Variants in GOSR1 observed in about 807,000 individuals in gnomAD.
The protein encoded by GOSR1 is 28 kDa Golgi SNARE protein.
A neutral mutation model predicts 35.5 loss-of-function variants in GOSR1; 21 were observed. The ratio of observed to expected loss-of-function variants is 0.59; its 90% CI spans 0.42 to 0.85. The LOEUF (loss-of-function observed/expected upper bound fraction) is 0.85. Among genes scored for constraint, GOSR1 ranks in the 40% least tolerant of loss-of-function variants. The probability of loss-of-function intolerance (pLI) is 0.00; values close to 1 mark genes in which losing one functional copy is unlikely to be tolerated. For synonymous variants in GOSR1, 94 were observed against 106.6 expected (o/e 0.88, Z 0.73); for missense variants, 285 against 309.6 (o/e 0.92, Z 0.60).
At chr17:30,489,169 A>C (rs1914868791) in intron 4 of GOSR1, among the ~76,000 whole-genome samples, 1 of 152,138 alleles carries the variant, frequency 6.6e-6, no homozygotes, top group African/African-American at 2.4e-5. Context: ...GGAACTGTTG[A>C]GGTCAGGAGT....
At chr17:30,506,935 A>G (rs1294079962) in intron 6 of GOSR1, among the ~76,000 whole-genome samples, 1 of 152,234 alleles carries the variant, frequency 6.6e-6, no homozygotes. Context: ...CCTGGAAGAC[A>G]GCACATCTGT....
At chr17:30,509,184 G>C (rs755860731) in intron 6 of GOSR1, among the ~76,000 whole-genome samples, 1 of 151,686 alleles carries the variant, frequency 6.6e-6, no homozygotes, top group Non-Finnish European at 1.5e-5. Context: ...ACTGTGTTGG[G>C]CAGGCTGGTC....
At chr17:30,502,303 G>T (rs552239739) in intron 6 of GOSR1, among the ~76,000 whole-genome samples, 1 of 152,138 alleles carries the variant, frequency 6.6e-6, no homozygotes, top group Non-Finnish European at 1.5e-5. Context: ...CCCTACCACC[G>T]TGCAATGCAA....
chr17:30,477,449 A>C lies in GOSR1; in HGVS notation c.16A>C (p.Ser6Arg). MAAGTSSYWEDLRKQA... is the reference protein window; with the variant it reads MAAGTRSYWEDLRKQA... The stretch of plus-strand genomic sequence containing the variant: ...GACGACAAAGATGGCGGCAGGGACC[A>C]GCAGTTACTGGGAAGGTGAGGGCGA... Residue 6 changes from serine to arginine, a missense_variant, in exon 1 of 9, where the codon AGC (serine) becomes CGC (arginine). Ser to Arg is a moderately radical substitution (Grantham distance 110). Around this residue, in one of 3 missense-constraint regions of GOSR1, gnomAD observed 108 missense variants for 98.9 expected, o/e 1.09. Coordinates refer to ENST00000451249, the MANE Select transcript of GOSR1 (RefSeq NM_001007025.2). 6.2e-7 allele frequency: 1 copy of C among 1,608,982 alleles called. No homozygotes were observed. The highest frequency in any genetic ancestry group is 8.5e-7 in the Non-Finnish European group (1 of 1,177,178).
At chr17:30,509,372 G>T (rs1967532795) in intron 6 of GOSR1, among the ~76,000 whole-genome samples, 1 of 152,182 alleles carries the variant, frequency 6.6e-6, no homozygotes, top group Admixed American at 6.5e-5. Context: ...GCCTCCCAAA[G>T]TGCTGGGATT....
chr17:30,486,520 A>C (rs1386826313), intron 4 of GOSR1, among the ~76,000 whole-genome samples: 2 of 136,468 alleles, frequency 1.5e-5, no homozygotes, highest in Admixed American at 1.4e-4. Context: ...TGACTGTTTC[A>C]AAAAAAAAAA....
intron 6 of GOSR1, among the ~76,000 whole-genome samples, chr17:30,505,789 C>T (rs1967379051): frequency 6.6e-6 from 1 of 152,118 alleles, no homozygotes. Flanking sequence ...AGTGCAGTGG[C>T]ATGATCCCAG....
intron 3 of GOSR1, 136 bp from the exon 4 acceptor site, chr17:30,484,527 T>C: frequency 1.7e-6 from 1 of 571,554 alleles, no homozygotes; most frequent in South Asian, 2.1e-5. Context: ...ACTTGCTCTC[T>C]TGTTTGTTTT....
Position 30,526,213 on chromosome 17 carries a change from T to C in GOSR1, c.*3835T>C, listed in dbSNP as rs1376083067. 1 of 152,246 alleles carries C rather than the reference T, an allele frequency of 6.6e-6. No individual in the cohort carries two copies. The highest frequency in any genetic ancestry group is 1.5e-5 in the Non-Finnish European group (1 of 68,028). 9.4% of individuals were successfully genotyped at this position (152,246 alleles called of 1,614,324 possible). On this transcript the variant is annotated 3_prime_UTR_variant, in exon 9 of 9. Coordinates refer to ENST00000451249, the MANE Select transcript of GOSR1 (RefSeq NM_001007025.2). ...ACAGCCAGGAGGTCAGAAGGAATTT[T>C]CTACTTCTGGATCCAAATGTTACCT... is the stretch of plus-strand genomic sequence containing the variant.
chr17:30,477,944 A>G, intron 1 of GOSR1: 1 of 985,058 alleles, frequency 1.0e-6, no homozygotes, highest in Non-Finnish European at 1.2e-6. Flanking sequence ...GGAAGTATGA[A>G]GAGAATAGGA....
At chr17:30,495,016 C>A (rs1966943193) in intron 6 of GOSR1, among the ~76,000 whole-genome samples, 1 of 150,586 alleles carries the variant, frequency 6.6e-6, no homozygotes, top group Non-Finnish European at 1.5e-5. Flanking sequence ...GGTGAAAACC[C>A]ATCTCTACTA....
chr17:30,492,559 C>T (rs1221247827), intron 5 of GOSR1, 120 bp from the exon 6 acceptor site: 5 of 621,038 alleles, frequency 8.1e-6, no homozygotes, highest in Non-Finnish European at 1.4e-5. Flanking sequence ...TATGTACTTT[C>T]ATTGTTCATT....
At chr17:30,491,376 C>T (rs952786863) in intron 5 of GOSR1, among the ~76,000 whole-genome samples, 4 of 152,002 alleles carry the variant, frequency 2.6e-5, no homozygotes, top group East Asian at 1.9e-4. Flanking sequence ...ATGAAAAGAC[C>T]GGCCAGGCGT....
chr17:30,477,907 G>A, intron 1 of GOSR1: 2 of 984,892 alleles, frequency 2.0e-6, no homozygotes, highest in Non-Finnish European at 2.4e-6. Context: ...AAAAGAGAAG[G>A]AGGAACTTGC....
At chr17:30,498,820 G>A (rs1198468949) in intron 6 of GOSR1, among the ~76,000 whole-genome samples, 1 of 152,154 alleles carries the variant, frequency 6.6e-6, no homozygotes, top group African/African-American at 2.4e-5. Context: ...GGGGTCAGCC[G>A]AGGCTGCCAT....
At chr17:30,508,249 G>A (rs1337842923) in intron 6 of GOSR1, among the ~76,000 whole-genome samples, 2 of 106,774 alleles carry the variant, frequency 1.9e-5, no homozygotes, top group African/African-American at 3.5e-5. Flanking sequence ...ACTTTATTTA[G>A]TAGTTTATTT....
Position 30,510,888 on chromosome 17 carries a change from G to A in GOSR1, c.518G>A (p.Arg173His), listed in dbSNP as rs773087161. Residue 173 changes from arginine to histidine, a missense_variant, in exon 7 of 9, where the codon CGT (arginine) becomes CAT (histidine). Arg to His is a conservative substitution (Grantham distance 29). Coordinates refer to ENST00000451249, the MANE Select transcript of GOSR1 (RefSeq NM_001007025.2). ...TTTCTTTTTATTTGCAGCTCAGATC[G>A]TCTGATAGAAGAGACAATAAGGTAG... ...KEHDHLRNSD[R>H]LIEETISIAM... The A allele has an allele frequency of 3.0e-5, 46 of 1,538,032 alleles. No homozygotes were observed. Among genetic ancestry groups the A allele is most frequent in the South Asian group, 1.8e-4 (16 of 87,702 alleles).
intron 6 of GOSR1, among the ~76,000 whole-genome samples, chr17:30,497,360 G>A (rs1289125774): frequency 6.6e-6 from 1 of 151,850 alleles, no homozygotes; most frequent in African/African-American, 2.4e-5. Context: ...TTATTCCTTG[G>A]ATTGGTAGTA....
At chr17:30,506,047 CTG>C (rs1967392786) in intron 6 of GOSR1, among the ~76,000 whole-genome samples, 2 of 152,284 alleles carry the variant, frequency 1.3e-5, no homozygotes, top group Middle Eastern at 3.4e-3. Context: ...TGTGTTCTGA[CTG>C]TGTCATCCAC....
Sources: gnomAD v4.1 joint callset for allele counts (sites outside exome capture counted in the v4.1 genomes callset) on GRCh38, gnomAD v4.1.1 for gene constraint, gnomAD v4.1.1 regional missense constraint, MANE v1.5 for transcripts, NCBI Gene and HGNC (gene_info 2026-07-23, HGNC 2026-07-21) for gene names.